The following C12orf56 variants were observed in gnomAD, a reference collection of about 807,000 sequenced individuals.
C12orf56 encodes the protein chromosome 12 open reading frame 56.
A neutral mutation model predicts 69.9 loss-of-function variants in C12orf56; 71 were observed. The ratio of observed to expected loss-of-function variants is 1.02; its 90% confidence interval spans 0.84 to 1.24. The LOEUF is 1.24. Among genes scored for constraint, C12orf56 ranks in the 50% most tolerant of loss-of-function variants. The pLI is 0.00. For missense variants in C12orf56, 732 were observed against 738.5 expected (o/e 0.99, Z 0.10); for synonymous variants, 276 against 274.1 (o/e 1.01, Z -0.07).
chr12:64,379,189 A>T (rs1433384677), intron 1 of C12orf56, among the ~76,000 whole-genome samples: 2 of 152,194 alleles, frequency 1.3e-5, no homozygotes, highest in Non-Finnish European at 2.9e-5. Context: ...GCTTAATCTG[A>T]CCAATACACT....
At chr12:64,374,643 C>A (rs2039617643) in intron 1 of C12orf56, among the ~76,000 whole-genome samples, 1 of 151,574 alleles carries the variant, frequency 6.6e-6, no homozygotes, top group South Asian at 2.1e-4. Flanking sequence ...TCCCAGGTTC[C>A]AGTGATTCTC....
At chr12:64,381,467 G>C (rs1458500021) in intron 1 of C12orf56, among the ~76,000 whole-genome samples, 7 of 152,146 alleles carry the variant, frequency 4.6e-5, no homozygotes, top group Admixed American at 4.6e-4. Flanking sequence ...CTAGTTCTTA[G>C]GCAAGAAGCA....
intron 1 of C12orf56, 29 bp downstream of exon 1, chr12:64,390,285 G>C (rs745725347): frequency 1.3e-6 from 2 of 1,578,686 alleles, no homozygotes; most frequent in East Asian, 2.3e-5. Flanking sequence ...CTGCGCTCCC[G>C]AGCCCGCCTG....
intron 3 of C12orf56, among the ~76,000 whole-genome samples, chr12:64,321,733 A>G (rs1004212406): frequency 2.0e-5 from 3 of 152,166 alleles, no homozygotes; most frequent in African/African-American, 7.2e-5. Flanking sequence ...ACAGCTTTAG[A>G]GCAGACCTCT....
chr12:64,275,318 T>A lies in C12orf56; in HGVS notation c.1489A>T (p.Ile497Leu). The A allele has an allele frequency of 7.0e-7, 1 of 1,432,940 alleles. No individual in the cohort carries two copies. 88.8% of individuals were successfully genotyped at this position (1,432,940 alleles called of 1,614,324 possible). Residue 497 changes from isoleucine to leucine, a missense_variant, in exon 10 of 13, where the codon ATA becomes TTA. Ile to Leu is a conservative substitution (Grantham distance 5). Coordinates refer to ENST00000543942, the MANE Select transcript of C12orf56 (RefSeq NM_001170633.2). ...TNTATALLYE[I>L]LLVFQQGNLG... ...TGTACCTGCTGAAAGACCAGAAGTA[T>A]CTCATATAAAAGTGCTGTAGCAGTA...
intron 12 of C12orf56, 92 bp from the exon 13 acceptor site, chr12:64,267,380 G>A: frequency 7.2e-6 from 7 of 973,282 alleles, no homozygotes; most frequent in Non-Finnish European, 1.1e-5. Flanking sequence ...ACTGGCTAGG[G>A]TTGTTGGGTG....
chr12:64,294,277 G>T (rs887488111), intron 6 of C12orf56, among the ~76,000 whole-genome samples: 43 of 152,102 alleles, frequency 2.8e-4, no homozygotes, highest in Non-Finnish European at 1.8e-4. Context: ...CAGTATGGTG[G>T]TTCCTCAAAA....
At chr12:64,368,066 C>T (rs982206776) in intron 1 of C12orf56, among the ~76,000 whole-genome samples, 1 of 152,116 alleles carries the variant, frequency 6.6e-6, no homozygotes. Context: ...CCTCAGCCTC[C>T]CAAAGTACTG....
rs367670293 is a variant in C12orf56, at chr12:64,306,418, TG to T, written c.969-2640del. 3.7e-3 allele frequency among the ~76,000 whole-genome samples: 565 copies of T among 150,864 alleles called. 1 individual carries two copies. Among genetic ancestry groups the T allele is most frequent in the Non-Finnish European group, 4.5e-3 (305 of 67,660 alleles). The stretch of plus-strand genomic sequence containing the variant: ...GCAAAATAGTGTTGCAGGAAGGTTT[TG>T]TTTTTTTTTTTTTTTTTAGACAGAG... On this transcript the variant is annotated intron_variant, in intron 5 of 12. Coordinates refer to ENST00000543942, the MANE Select transcript of C12orf56 (RefSeq NM_001170633.2).
chr12:64,297,107 T>C (rs1272596535), intron 6 of C12orf56, among the ~76,000 whole-genome samples: 1 of 152,178 alleles, frequency 6.6e-6, no homozygotes, highest in Non-Finnish European at 1.5e-5. Context: ...TAAGGGAGCT[T>C]CACAGAACGT....
chr12:64,344,315 C>T (rs2039113127), intron 2 of C12orf56, among the ~76,000 whole-genome samples: 1 of 152,190 alleles, frequency 6.6e-6, no homozygotes, highest in Non-Finnish European at 1.5e-5. Context: ...AATCTGGAAA[C>T]TGATTAAGAG....
chr12:64,360,957 T>A (rs1355295533), intron 1 of C12orf56, among the ~76,000 whole-genome samples: 1 of 152,178 alleles, frequency 6.6e-6, no homozygotes, highest in Non-Finnish European at 1.5e-5. Flanking sequence ...TGTGGTGTCA[T>A]GCCTGTAATC....
intron 3 of C12orf56, among the ~76,000 whole-genome samples, chr12:64,319,822 C>G (rs937905523): frequency 6.6e-6 from 1 of 152,206 alleles, no homozygotes; most frequent in Admixed American, 6.5e-5. Context: ...GATATAAACC[C>G]AGGCATTTGA....
In C12orf56 at chr12:64,330,830, A is replaced by T. The variant is rs1156616099; in HGVS notation, c.488+130T>A. On this transcript the variant is annotated intron_variant, in intron 3 of 12. Transcript: ENST00000543942. ...TTCTCTCAAAAATACTTTCTTCCTT[A>T]TTGCATATGTAAGATTAATAGAACT... 4 of 643,172 alleles carry T rather than the reference A, an allele frequency of 6.2e-6. No homozygotes were observed. The East Asian group carries it at 1.2e-4, about 19-fold the overall frequency. 39.8% of individuals were successfully genotyped at this position (643,172 alleles called of 1,614,324 possible).
Position 64,266,707 on chromosome 12 carries a change from A to C in C12orf56, c.*476T>G. On this transcript the variant is annotated 3_prime_UTR_variant, in exon 13 of 13. Transcript: ENST00000543942. ...TGTGCCCAAGCTGAGAAGATAAAAC[A>C]CCTTGAGAAGAACTTGAATGCCCAT... 2.0e-6 allele frequency: 1 copy of C among 489,936 alleles called. No individual in the cohort carries two copies. Among genetic ancestry groups the C allele is most frequent in the Non-Finnish European group, 3.3e-6 (1 of 300,088 alleles). The allele number at this position is 489,936 out of a possible 1,614,324, so 30.3% of individuals were successfully genotyped here.
At position 64,278,970 on chromosome 12, in the gene C12orf56, T is replaced by C. The variant is rs139521309; in HGVS notation, c.1311-1167A>G. Among the ~76,000 whole-genome samples, 1,040 of 152,368 alleles carry C rather than the reference T, an allele frequency of 6.8e-3. 18 individuals carry two copies. Among genetic ancestry groups the C allele is most frequent in the African/African-American group, 0.024 (999 of 41,584 alleles). On this transcript the variant is annotated intron_variant, in intron 8 of 12. Coordinates refer to ENST00000543942, the MANE Select transcript of C12orf56 (RefSeq NM_001170633.2). ...ACTTCATTTTTATGGCTGAATAATA[T>C]TCCATTGTGTATATGTACCACATTT...
chr12:64,373,940 A>T (rs989467146), intron 1 of C12orf56, among the ~76,000 whole-genome samples: 1 of 152,228 alleles, frequency 6.6e-6, no homozygotes, highest in Admixed American at 6.5e-5. Flanking sequence ...ACATAAGCTT[A>T]GTCTTAAGTA....
intron 6 of C12orf56, among the ~76,000 whole-genome samples, chr12:64,302,243 G>A (rs191885655): frequency 3.9e-4 from 60 of 152,204 alleles, no homozygotes; most frequent in African/African-American, 1.3e-3. Context: ...TTTAGACTAC[G>A]CAGCACTACA....
rs538871689 is a variant in C12orf56, at chr12:64,385,210, T to C, written c.252+5104A>G. 3.9e-5 allele frequency among the ~76,000 whole-genome samples: 6 copies of C among 152,268 alleles called. No homozygotes were observed. The East Asian group carries it at 1.2e-3, about 29-fold the overall frequency. ...CCCAAGTAACTTGGAAACCCTTTCT[T>C]TGAGAAAATGAACCACATCAAACAC... is the stretch of plus-strand genomic sequence containing the variant. On this transcript the variant is annotated intron_variant, in intron 1 of 12. Transcript: ENST00000543942.
Sources: allele counts gnomAD v4.1 joint callset (sites outside exome capture counted in the v4.1 genomes callset), GRCh38; gene constraint gnomAD v4.1.1; transcripts MANE v1.5; gene names NCBI Gene and HGNC (gene_info 2026-07-23, HGNC 2026-07-21).